FAM167A: variants seen among roughly 807,000 people sequenced by gnomAD.
FAM167A encodes the protein family with sequence similarity 167 member A.
FAM167A carries 23 observed loss-of-function variants against 14.9 expected under a neutral mutation model. The ratio of observed to expected loss-of-function variants is 1.55; its 90% CI spans 1.11 to 2.19. The LOEUF is 2.19. FAM167A is among the 30% of genes most tolerant of loss of function. The probability of loss-of-function intolerance (pLI) is 0.00; values close to 1 mark genes in which losing one functional copy is unlikely to be tolerated. For synonymous variants in FAM167A, 174 were observed against 117.7 expected, an observed-to-expected ratio of 1.48 and a Z score of -3.10; for missense variants, 401 against 281.5, an observed-to-expected ratio of 1.42 and a Z score of -3.04.
chr8:11,457,962 T>TAG (rs1807399813), intron 1 of FAM167A, among the ~76,000 whole-genome samples: 1 of 152,182 alleles, frequency 6.6e-6, no homozygotes, highest in Non-Finnish European at 1.5e-5. Flanking sequence ...ACCTTTTGTG[T>TAG]CCCGAGCACA....
In FAM167A at chr8:11,424,165, C is replaced by T. The variant is rs566542751; in HGVS notation, c.*208G>A. ...TCTGCAGAGCTCTTTGGGTAGTAAG[C>T]AAGAGCCAGTCACAGAGACACTGGC... is the stretch of plus-strand genomic sequence containing the variant. On this transcript the variant is annotated 3_prime_UTR_variant, in exon 3 of 3. Transcript: ENST00000284486. 1.5e-5 allele frequency: 9 copies of T among 610,748 alleles called. No individual in the cohort carries two copies. The Admixed American group carries it at 1.5e-4, about 10-fold the overall frequency. 37.8% of individuals were successfully genotyped at this position (610,748 alleles called of 1,614,324 possible).
chr8:11,449,697 G>C (rs1227731364), intron 1 of FAM167A, among the ~76,000 whole-genome samples: 1 of 152,198 alleles, frequency 6.6e-6, no homozygotes, highest in Non-Finnish European at 1.5e-5. Context: ...GGGGGGGCGC[G>C]TCAGCCTTTC....
At chr8:11,459,753 C>T (rs1047499465) in intron 1 of FAM167A, among the ~76,000 whole-genome samples, 1 of 152,220 alleles carries the variant, frequency 6.6e-6, no homozygotes, top group Non-Finnish European at 1.5e-5. Flanking sequence ...TTGCTCTTCT[C>T]ACCCAGGCTG....
chr8:11,438,322 G>A (rs1001172858), intron 2 of FAM167A: 12 of 412,818 alleles, frequency 2.9e-5, no homozygotes, highest in Admixed American at 1.1e-4. Context: ...CAGCTCCCTG[G>A]CCAGCAGCCC....
upstream of FAM167A, among the ~76,000 whole-genome samples, chr8:11,467,276 C>G (rs1807813170): frequency 6.6e-6 from 1 of 152,270 alleles, no homozygotes; most frequent in Admixed American, 6.5e-5. Flanking sequence ...GTTTGCCCCA[C>G]TAACCACAGG....
chr8:11,451,324 C>T (rs759331114), intron 1 of FAM167A, among the ~76,000 whole-genome samples: 10 of 152,244 alleles, frequency 6.6e-5, no homozygotes, highest in South Asian at 4.1e-4. Flanking sequence ...AGCTGGGCCC[C>T]GTGGGAAGCC....
intron 2 of FAM167A, among the ~76,000 whole-genome samples, chr8:11,433,576 G>C (rs1474650964): frequency 1.3e-5 from 2 of 152,218 alleles, no homozygotes. Flanking sequence ...AGAAATCCCA[G>C]TGCACAGGGG....
At chr8:11,433,801 G>A (rs2117030566) in intron 2 of FAM167A, 2 of 152,374 alleles carry the variant, frequency 1.3e-5, no homozygotes, top group East Asian at 1.9e-4. Context: ...TGCCAGCTGT[G>A]TGTGCAGGCC....
Position 11,424,341 on chromosome 8 carries a change from G to A in FAM167A, c.*32C>T, listed in dbSNP as rs373612696. ...GACACCCCTCCAGCCCAAGCCCTCCGCTCCAGCCCCTCCGCCCAGTCTGAG... is the reference window on the plus strand; with the variant it reads ...GACACCCCTCCAGCCCAAGCCCTCCACTCCAGCCCCTCCGCCCAGTCTGAG... On this transcript the variant is annotated 3_prime_UTR_variant, in exon 3 of 3. Coordinates refer to ENST00000284486, the MANE Select transcript of FAM167A (RefSeq NM_053279.3). The A allele has an allele frequency of 2.4e-5, 38 of 1,610,518 alleles. No homozygotes were observed. Among genetic ancestry groups the A allele is most frequent in the Non-Finnish European group, 3.0e-5 (35 of 1,177,342 alleles).
chr8:11,422,059 A>G lies in FAM167A; in HGVS notation c.*2314T>C. 1 of 377,806 alleles carries G rather than the reference A, an allele frequency of 2.6e-6. No individual in the cohort carries two copies. The highest frequency in any genetic ancestry group is 2.1e-5 in the African/African-American group (1 of 48,276). 23.4% of individuals were successfully genotyped at this position (377,806 alleles called of 1,614,324 possible). A position where few individuals can be genotyped will look rare whatever the true frequency, so the allele number is the denominator to read the frequency against. On this transcript the variant is annotated 3_prime_UTR_variant, in exon 3 of 3. Coordinates refer to ENST00000284486, the MANE Select transcript of FAM167A (RefSeq NM_053279.3). ...GTTCTCTTAGGATAAACCGAGCAAAATAGCTCAGACATTTAACTTATCCCC... is the reference window on the plus strand; with the variant it reads ...GTTCTCTTAGGATAAACCGAGCAAAGTAGCTCAGACATTTAACTTATCCCC...
chr8:11,437,048 C>T (rs1332285707), intron 2 of FAM167A, among the ~76,000 whole-genome samples: 1 of 152,198 alleles, frequency 6.6e-6, no homozygotes, highest in East Asian at 1.9e-4. Flanking sequence ...CTGTTTTGTT[C>T]TCCAAAGTCA....
upstream of FAM167A, among the ~76,000 whole-genome samples, chr8:11,468,594 TTCTGACCA>T (rs143137092): frequency 0.15 from 22,539 of 152,174 alleles, 2,048 homozygotes; most frequent in Middle Eastern, 0.27. Context: ...TGCTGGCTGT[TTCTGACCA>T]CAGCCCCGGT....
rs764711786 is a variant in FAM167A, at chr8:11,444,146, C to A, written c.266G>T (p.Gly89Val). Residue 89 changes from glycine to valine, a missense_variant, in exon 2 of 3, where the codon GGG (glycine) becomes GTG (valine). Physicochemically the swap from Gly to Val is moderately radical, Grantham distance 109. Transcript: ENST00000284486. ...ACTCCTGGCAGAAGGGGGGTGCTGC[C>A]CAGCCTCTCTCAGGGGGAGCAAGGG... ...QEPLLPLREA[G>V]QHPPSARSAS... 6.2e-7 allele frequency: 1 copy of A among 1,613,216 alleles called. No homozygotes were observed. The highest frequency in any genetic ancestry group is 8.5e-7 in the Non-Finnish European group (1 of 1,179,910).
intron 1 of FAM167A, among the ~76,000 whole-genome samples, chr8:11,457,740 C>G (rs1202819469): frequency 6.6e-6 from 1 of 152,172 alleles, no homozygotes; most frequent in Non-Finnish European, 1.5e-5. Flanking sequence ...CGAGCTAGGC[C>G]CTGCACTGCC....
chr8:11,462,268 T>A (rs1807572468), intron 1 of FAM167A, among the ~76,000 whole-genome samples: 1 of 152,092 alleles, frequency 6.6e-6, no homozygotes, highest in Admixed American at 6.5e-5. Flanking sequence ...GGGACGTGGG[T>A]TGGTTGACAG....
chr8:11,456,132 T>C (rs1177334581), intron 1 of FAM167A, among the ~76,000 whole-genome samples: 4 of 33,758 alleles, frequency 1.2e-4, no homozygotes, highest in Admixed American at 3.6e-4. Flanking sequence ...GGTGGTTGCC[T>C]TGCTGTGTGT....
chr8:11,451,092 G>C (rs550091107), intron 1 of FAM167A, among the ~76,000 whole-genome samples: 3 of 152,372 alleles, frequency 2.0e-5, no homozygotes, highest in Admixed American at 1.3e-4. Context: ...TCCCACAGGA[G>C]CCCATCCCTG....
chr8:11,465,340 G>C (rs559437196), intron 1 of FAM167A, among the ~76,000 whole-genome samples: 1 of 152,266 alleles, frequency 6.6e-6, no homozygotes, highest in East Asian at 1.9e-4. Context: ...GGCACGTGAG[G>C]CTGACTCTCT....
chr8:11,440,333 C>T (rs1806358805), intron 2 of FAM167A, among the ~76,000 whole-genome samples: 1 of 152,228 alleles, frequency 6.6e-6, no homozygotes. Context: ...GAATCCCCAA[C>T]ACATTAGCCT....
Sources: gnomAD v4.1 joint callset for allele counts (sites outside exome capture counted in the v4.1 genomes callset) on GRCh38, gnomAD v4.1.1 for gene constraint, MANE v1.5 for transcripts, NCBI Gene and HGNC (gene_info 2026-07-23, HGNC 2026-07-21) for gene names.